Variants in DENND4A observed in about 807,000 individuals in gnomAD.
The protein encoded by DENND4A is C-myc promoter-binding protein.
Under a neutral mutation model 199.3 loss-of-function variants are expected in DENND4A, and 70 were observed. The observed-to-expected ratio is 0.35, with a 90% CI of 0.29 to 0.43. The LOEUF is 0.43. Among genes scored for constraint, DENND4A ranks in the 20% least tolerant of loss-of-function variants. The pLI, the probability that DENND4A is intolerant of heterozygous loss-of-function variation, is 1.00. For synonymous variants in DENND4A, 686 were observed against 766.9 expected (o/e 0.89, Z 1.74); for missense variants, 1,723 against 2,255.8 (o/e 0.76, Z 4.78).
chr15:65,712,260 T>C (rs904030747), intron 14 of DENND4A, among the ~76,000 whole-genome samples: 4 of 152,230 alleles, frequency 2.6e-5, no homozygotes, highest in East Asian at 3.8e-4. Flanking sequence ...AGGCTCTGAA[T>C]GTGTTCCTGT....
chr15:65,666,587 A>G (rs2141849234), intron 29 of DENND4A, among the ~76,000 whole-genome samples: 1 of 152,248 alleles, frequency 6.6e-6, no homozygotes, highest in East Asian at 1.9e-4. Flanking sequence ...AACCATGAAT[A>G]AGGAGGGACT....
intron 14 of DENND4A, among the ~76,000 whole-genome samples, chr15:65,708,865 A>G (rs944609000): frequency 6.6e-6 from 1 of 152,218 alleles, no homozygotes; most frequent in Non-Finnish European, 1.5e-5. Context: ...AAGAACAAGA[A>G]CACATGGTTC....
chr15:65,672,444 G>C (rs1185902710), intron 24 of DENND4A, among the ~76,000 whole-genome samples: 1 of 152,064 alleles, frequency 6.6e-6, no homozygotes, highest in Non-Finnish European at 1.5e-5. Context: ...TGGCAACATA[G>C]TGAGACCTTG....
At chr15:65,692,418 G>A (rs2077004297) in intron 22 of DENND4A, among the ~76,000 whole-genome samples, 1 of 152,132 alleles carries the variant, frequency 6.6e-6, no homozygotes, top group South Asian at 2.1e-4. Flanking sequence ...TACTATATGT[G>A]GGAGTCCTCT....
At chr15:65,672,635 A>T (rs1441389654) in intron 24 of DENND4A, among the ~76,000 whole-genome samples, 2 of 151,976 alleles carry the variant, frequency 1.3e-5, no homozygotes, top group African/African-American at 4.8e-5. Flanking sequence ...AAGATGGTTA[A>T]TCTTGCTGTT....
At chr15:65,686,809 C>G (rs1010576820) in intron 23 of DENND4A, among the ~76,000 whole-genome samples, 1 of 152,070 alleles carries the variant, frequency 6.6e-6, no homozygotes, top group Non-Finnish European at 1.5e-5. Flanking sequence ...CCTGCCTTAG[C>G]CTCCTGAGTA....
chr15:65,717,377 A>C (rs1386651394), intron 13 of DENND4A, among the ~76,000 whole-genome samples: 1 of 152,200 alleles, frequency 6.6e-6, no homozygotes, highest in African/African-American at 2.4e-5. Context: ...AAAGTACATA[A>C]TATTTGAAAA....
intron 22 of DENND4A, among the ~76,000 whole-genome samples, chr15:65,695,690 C>T (rs1210450405): frequency 6.6e-6 from 1 of 152,144 alleles, no homozygotes; most frequent in Non-Finnish European, 1.5e-5. Context: ...GGTAATCACA[C>T]TATTAACACT....
At chr15:65,750,286 T>C (rs2076527750) in intron 4 of DENND4A, among the ~76,000 whole-genome samples, 1 of 152,006 alleles carries the variant, frequency 6.6e-6, no homozygotes, top group African/African-American at 2.4e-5. Flanking sequence ...AAATATTGGG[T>C]ATACCTGGAC....
chr15:65,742,876 G>C (rs763387875), intron 4 of DENND4A, among the ~76,000 whole-genome samples: 9 of 152,190 alleles, frequency 5.9e-5, no homozygotes, highest in Non-Finnish European at 1.3e-4. Context: ...ACACATAGTA[G>C]TTAAATAAGT....
In DENND4A at chr15:65,778,674, G is replaced by A. The variant is rs534439375; in HGVS notation, c.-102+13336C>T. 3.3e-5 allele frequency among the ~76,000 whole-genome samples: 5 copies of A among 152,044 alleles called. No individual in the cohort carries two copies. In the South Asian group the frequency reaches 8.3e-4, roughly 25 times the overall value. On this transcript the variant is annotated intron_variant, in intron 1 of 32. Transcript: ENST00000443035. ...AGCACTTTGAGAGGATGAGGCGGGC[G>A]GATCACGAGGTCAGGAGATCGAGAC...
At chr15:65,765,411 T>C (rs1389084036) in intron 1 of DENND4A, among the ~76,000 whole-genome samples, 2 of 152,260 alleles carry the variant, frequency 1.3e-5, no homozygotes, top group South Asian at 2.1e-4. Context: ...CTTTAAATTG[T>C]TATTTTTAAT....
rs555738408 is a variant in DENND4A, at chr15:65,772,912, G to A, written c.-101-11474C>T. Among the ~76,000 whole-genome samples, 3 of 142,346 alleles carry A rather than the reference G, an allele frequency of 2.1e-5. No individual in the cohort carries two copies. The South Asian group carries it at 6.6e-4, about 31-fold the overall frequency. 93.4% of individuals were successfully genotyped at this position (142,346 alleles called of 152,430 possible). A position where few individuals can be genotyped will look rare whatever the true frequency, so the allele number is the denominator to read the frequency against. ...GTCAGCAGTCTGCCACCCAAAAGTG[G>A]ACCCTCACCAGAACCTGACCTTGCT... On this transcript the variant is annotated intron_variant, in intron 1 of 32. Coordinates refer to ENST00000443035, the MANE Select transcript of DENND4A (RefSeq NM_001320835.1).
At chr15:65,772,822 T>C (rs2077172521) in intron 1 of DENND4A, among the ~76,000 whole-genome samples, 1 of 146,698 alleles carries the variant, frequency 6.8e-6, no homozygotes, top group South Asian at 2.2e-4. Context: ...AATCTAGAGC[T>C]AAAGTAGCAA....
At chr15:65,665,307 T>G (rs923253197) in intron 30 of DENND4A, 38 bp downstream of exon 30, 2 of 1,517,726 alleles carry the variant, frequency 1.3e-6, no homozygotes, top group African/African-American at 2.7e-5. Flanking sequence ...GAGATTACTC[T>G]CATATGAACA....
At chr15:65,687,357 T>C (rs1319228477) in intron 23 of DENND4A, among the ~76,000 whole-genome samples, 3 of 152,160 alleles carry the variant, frequency 2.0e-5, no homozygotes, top group Non-Finnish European at 4.4e-5. Flanking sequence ...CATGAGATAA[T>C]GTTACTATTT....
chr15:65,666,132 T>C (rs897984895), intron 29 of DENND4A, among the ~76,000 whole-genome samples: 3 of 152,210 alleles, frequency 2.0e-5, no homozygotes, highest in Non-Finnish European at 4.4e-5. Flanking sequence ...CTCCAATGGA[T>C]ACCTATAACT....
intron 23 of DENND4A, among the ~76,000 whole-genome samples, chr15:65,687,205 A>G (rs919619305): frequency 3.3e-5 from 5 of 152,166 alleles, no homozygotes; most frequent in African/African-American, 1.2e-4. Context: ...TACAATATAC[A>G]TATCTAATCA....
intron 12 of DENND4A, among the ~76,000 whole-genome samples, chr15:65,720,854 T>TAA (rs2075599590): frequency 6.6e-6 from 1 of 150,384 alleles, no homozygotes; most frequent in Non-Finnish European, 1.5e-5. Flanking sequence ...TATAAAGCGT[T>TAA]AGAGTCCTTA....
Sources: allele counts gnomAD v4.1 joint callset (sites outside exome capture counted in the v4.1 genomes callset), GRCh38; gene constraint gnomAD v4.1.1; transcripts MANE v1.5; gene names NCBI Gene and HGNC (gene_info 2026-07-23, HGNC 2026-07-21).